LRBA: variants seen among roughly 807,000 people sequenced by gnomAD.
LRBA encodes the protein LPS responsive beige-like anchor protein.
In LRBA, 176 loss-of-function variants were observed where a neutral mutation model predicts 330.0. The observed-to-expected ratio is 0.53, with a 90% CI of 0.47 to 0.60. The LOEUF (loss-of-function observed/expected upper bound fraction) is 0.60, where lower values mean the gene tolerates loss of function less well. Among genes scored for constraint, LRBA ranks in the 20% least tolerant of loss-of-function variants. LRBA has a pLI of 0.00. For missense variants in LRBA, 3,259 were observed against 3,444.8 expected (o/e 0.95, Z 1.35); for synonymous variants, 1,230 against 1,193.0 (o/e 1.03, Z -0.64).
chr4:150,635,246 CA>C (rs1412104466), intron 37 of LRBA, among the ~76,000 whole-genome samples: 3 of 152,198 alleles, frequency 2.0e-5, no homozygotes, highest in African/African-American at 7.2e-5. Flanking sequence ...ATGACTCCTG[CA>C]ACTAAAACCA....
intron 31 of LRBA, among the ~76,000 whole-genome samples, chr4:150,814,629 G>T (rs1744280329): frequency 1.3e-5 from 2 of 150,496 alleles, no homozygotes; most frequent in Non-Finnish European, 3.0e-5. Flanking sequence ...AGCAATAACT[G>T]TTTTTTTAAA....
At chr4:150,869,596 G>A (rs1753179501) in intron 20 of LRBA, among the ~76,000 whole-genome samples, 1 of 152,134 alleles carries the variant, frequency 6.6e-6, no homozygotes, top group Non-Finnish European at 1.5e-5. Flanking sequence ...GGCTGAGGCA[G>A]GAGAATCACT....
chr4:150,402,037 T>A (rs548386632), intron 47 of LRBA, among the ~76,000 whole-genome samples: 4 of 151,098 alleles, frequency 2.6e-5, no homozygotes, highest in African/African-American at 4.9e-5. Context: ...ACGCCTGTAA[T>A]CCCAGCACTT....
chr4:150,674,075 T>A (rs1317066702), intron 37 of LRBA, among the ~76,000 whole-genome samples: 1 of 152,156 alleles, frequency 6.6e-6, no homozygotes, highest in East Asian at 1.9e-4. Context: ...AAGAAACCCA[T>A]GAGCTTTCGA....
intron 40 of LRBA, among the ~76,000 whole-genome samples, chr4:150,549,201 ATATAAC>A (rs1766246269): frequency 6.6e-6 from 1 of 152,064 alleles, no homozygotes; most frequent in Non-Finnish European, 1.5e-5. Flanking sequence ...CCTATTACCA[ATATAAC>A]TAAAATTTTA....
chr4:150,875,965 T>C (rs1165435743), intron 17 of LRBA, among the ~76,000 whole-genome samples: 1 of 152,074 alleles, frequency 6.6e-6, no homozygotes, highest in African/African-American at 2.4e-5. Flanking sequence ...TCCAAGACAA[T>C]GTTGAAAATT....
chr4:150,643,941 T>TCAGTG (rs899809964), intron 37 of LRBA, among the ~76,000 whole-genome samples: 2 of 151,972 alleles, frequency 1.3e-5, no homozygotes, highest in African/African-American at 4.8e-5. Flanking sequence ...TACGTGGTGC[T>TCAGTG]CTCATCACTT....
At position 150,844,164 on chromosome 4, in the gene LRBA, T is replaced by A; in HGVS notation, c.4505A>T (p.Asp1502Val). Residue 1502 changes from aspartate (D) to valine (V), a missense_variant, in exon 28 of 57, where the codon GAT becomes GTT. Physicochemically the swap from Asp to Val is radical, Grantham distance 152. Transcript: ENST00000651943. Reference protein sequence around the residue: ...IVTGGISPVRDLDRLLQDMDI... With the variant: ...IVTGGISPVRVLDRLLQDMDI... ...CATGTCCTGTAGAAGCCTGTCAAGA[T>A]CTCTTACTGGAGATATACCGCCAGT... 1 of 1,611,856 alleles carries A rather than the reference T, an allele frequency of 6.2e-7. No individual in the cohort carries two copies. The highest frequency in any genetic ancestry group is 8.5e-7 in the Non-Finnish European group (1 of 1,178,580).
intron 10 of LRBA, 53 bp downstream of exon 10, chr4:150,908,607 T>C (rs1245061944): frequency 6.6e-7 from 1 of 1,513,822 alleles, no homozygotes; most frequent in African/African-American, 1.4e-5. Flanking sequence ...TACATCTCAA[T>C]AACACATCAA....
At chr4:150,445,375 CTCTATATATATATATATATATA>C (rs1752479308) in intron 44 of LRBA, among the ~76,000 whole-genome samples, 1 of 82,972 alleles carries the variant, frequency 1.2e-5, no homozygotes, top group African/African-American at 4.5e-5. Flanking sequence ...CTCTCTCTCT[CTCTATATATATATATATATATA>C]TATATATATA....
intron 46 of LRBA, among the ~76,000 whole-genome samples, chr4:150,424,668 G>T (rs374322956): frequency 5.3e-5 from 8 of 152,140 alleles, no homozygotes; most frequent in Admixed American, 5.2e-4. Flanking sequence ...TGGGTACCAG[G>T]TAGACACACC....
intron 48 of LRBA, among the ~76,000 whole-genome samples, chr4:150,333,228 T>A (rs149713834): frequency 2.0e-5 from 3 of 152,054 alleles, no homozygotes; most frequent in African/African-American, 7.2e-5. Context: ...ACAATAAATA[T>A]TGTAAAATTT....
chr4:150,935,822 T>G (rs1177955355), intron 2 of LRBA, among the ~76,000 whole-genome samples: 1 of 152,068 alleles, frequency 6.6e-6, no homozygotes, highest in Middle Eastern at 3.8e-3. Flanking sequence ...AATGGAGCTA[T>G]GAAATTTTCA....
chr4:151,005,714 C>A (rs930407810), intron 2 of LRBA, among the ~76,000 whole-genome samples: 7 of 150,584 alleles, frequency 4.6e-5, no homozygotes, highest in African/African-American at 1.7e-4. Context: ...AAGCAATTCT[C>A]CTACCTCAGC....
At chr4:150,935,407 T>C (rs181495710) in intron 2 of LRBA, among the ~76,000 whole-genome samples, 336 of 152,224 alleles carry the variant, frequency 2.2e-3, no homozygotes, top group Non-Finnish European at 2.7e-3. Context: ...ATACCAACTA[T>C]AAGTATAAAG....
rs1418849194 is a variant in LRBA at position 150,420,444 on chromosome 4, TA to T, written c.7042-4855del. The stretch of plus-strand genomic sequence containing the variant: ...GTATATATAAAGTATATATAATACA[TA>T]TATAATATATAAAGTATATATAATA... On this transcript the variant is annotated intron_variant, in intron 46 of 56. Transcript: ENST00000651943. Among the ~76,000 whole-genome samples, 43 of 80,974 alleles carry T rather than the reference TA, an allele frequency of 5.3e-4. 1 individual carries two copies. The highest frequency in any genetic ancestry group is 1.8e-3 in the African/African-American group (39 of 21,290). The allele number at this position is 80,974 out of a possible 152,430, so 53.1% of individuals were successfully genotyped here.
At chr4:150,784,715 T>C (rs1738784136) in intron 34 of LRBA, among the ~76,000 whole-genome samples, 1 of 152,166 alleles carries the variant, frequency 6.6e-6, no homozygotes, top group East Asian at 1.9e-4. Context: ...TCCTTCCTTC[T>C]TTCTTTCCCC....
chr4:150,392,657 G>C (rs1211927889), intron 47 of LRBA, among the ~76,000 whole-genome samples: 1 of 152,030 alleles, frequency 6.6e-6, no homozygotes, highest in Admixed American at 6.6e-5. Context: ...GAATGCTTGT[G>C]ATTTTTGCAC....
At chr4:150,521,763 A>C (rs1391386741) in intron 40 of LRBA, among the ~76,000 whole-genome samples, 2 of 152,226 alleles carry the variant, frequency 1.3e-5, no homozygotes, top group Admixed American at 6.5e-5. Flanking sequence ...ATAACCAAAC[A>C]AATGGTCTTC....
Sources: gnomAD v4.1 joint callset for allele counts (sites outside exome capture counted in the v4.1 genomes callset) on GRCh38, gnomAD v4.1.1 for gene constraint, MANE v1.5 for transcripts, NCBI Gene and HGNC (gene_info 2026-07-23, HGNC 2026-07-21) for gene names.